LRRC45: variants seen among roughly 807,000 people sequenced by gnomAD.
The protein encoded by LRRC45 is leucine-rich repeat-containing protein 45.
LRRC45 carries 73 observed loss-of-function variants against 85.4 expected under a neutral mutation model. The ratio of observed to expected loss-of-function variants is 0.85; its 90% CI spans 0.71 to 1.04. LRRC45 has a LOEUF of 1.04. Ranked by LOEUF, LRRC45 falls within the 50% of genes least tolerant of loss-of-function variation. LRRC45 has a pLI of 0.00. For synonymous variants in LRRC45, 429 were observed against 386.0 expected, an observed-to-expected ratio of 1.11 and a Z score of -1.31; for missense variants, 937 against 883.3, an observed-to-expected ratio of 1.06 and a Z score of -0.77.
rs1327518075 is a variant in LRRC45, at chr17:82,029,450, G to A, written c.1402-93G>A. ...GCCCTCAGGAGGCTGGCAGAGAGGA[G>A]CCCCCCTGGCTGGGGTTGGCTGGAT... On this transcript the variant is annotated intron_variant, in intron 13 of 16. Coordinates refer to ENST00000306688, the MANE Select transcript of LRRC45 (RefSeq NM_144999.4). 9 of 1,370,444 alleles carry A rather than the reference G, an allele frequency of 6.6e-6. 1 individual carries two copies. The East Asian group carries it at 1.8e-4, about 27-fold the overall frequency. The allele number at this position is 1,370,444 out of a possible 1,614,324, so 84.9% of individuals were successfully genotyped here. A position where few individuals can be genotyped will look rare whatever the true frequency, so the allele number is the denominator to read the frequency against.
chr17:82,028,318 G>T lies in LRRC45; in HGVS notation c.1125+7G>T. 1 of 1,599,294 alleles carries T rather than the reference G, an allele frequency of 6.3e-7. No individual in the cohort carries two copies. Among genetic ancestry groups the T allele is most frequent in the Non-Finnish European group, 8.5e-7 (1 of 1,173,966 alleles). Reference sequence around the variant, plus strand: ...CCTGCTTCTGCAAAACCAGGTAGCTGTGGTGGATGGAGCCAGGGAGCCCAG... The same window carrying T: ...CCTGCTTCTGCAAAACCAGGTAGCTTTGGTGGATGGAGCCAGGGAGCCCAG... On this transcript the variant is annotated splice_region_variant and intron_variant, in intron 10 of 16. Coordinates refer to ENST00000306688, the MANE Select transcript of LRRC45 (RefSeq NM_144999.4).
chr17:82,028,791 A>G (rs2043390925), intron 12 of LRRC45, 108 bp downstream of exon 12: 1 of 1,258,350 alleles, frequency 7.9e-7, no homozygotes, highest in African/African-American at 1.5e-5. Context: ...ACCTTGGGTC[A>G]CTGGGTGGCC....
At chr17:82,028,967 G>A in intron 12 of LRRC45, 126 bp from the exon 13 acceptor site, 1 of 874,750 alleles carries the variant, frequency 1.1e-6, no homozygotes, top group Non-Finnish European at 1.8e-6. Context: ...GGCCATCTGA[G>A]GCAGTGCTTT....
Position 82,030,150 on chromosome 17 carries a change from A to G in LRRC45, c.1580A>G (p.Lys527Arg), listed in dbSNP as rs1259352889. ...GCGCAGGGCGCTTGCCTACAGCAGAAGCAGGTGGTGGCCGAGGCCCAGACC... is the reference window on the plus strand; with the variant it reads ...GCGCAGGGCGCTTGCCTACAGCAGAGGCAGGTGGTGGCCGAGGCCCAGACC... Reference protein sequence around the residue: ...DEAQGACLQQKQVVAEAQTRV... With the variant: ...DEAQGACLQQRQVVAEAQTRV... Residue 527 changes from lysine (K) to arginine (R), a missense_variant, in exon 15 of 17, where the codon AAG becomes AGG. Coordinates refer to ENST00000306688, the MANE Select transcript of LRRC45 (RefSeq NM_144999.4). 4.5e-6 allele frequency: 7 copies of G among 1,548,036 alleles called. No individual in the cohort carries two copies. In the South Asian group the frequency reaches 6.0e-5, roughly 13 times the overall value.
chr17:82,030,829 C>T lies in LRRC45; in HGVS notation c.*24C>T. On this transcript the variant is annotated 3_prime_UTR_variant, in exon 17 of 17. Transcript: ENST00000306688. ...GAGACAGGCCGGGAGGACCCGGGCGCAGTAGGAGTGCATCAGGCGGCGCCC... is the reference window on the plus strand; with the variant it reads ...GAGACAGGCCGGGAGGACCCGGGCGTAGTAGGAGTGCATCAGGCGGCGCCC... 1 of 1,319,290 alleles carries T rather than the reference C, an allele frequency of 7.6e-7. No homozygotes were observed. 81.7% of individuals were successfully genotyped at this position (1,319,290 alleles called of 1,614,324 possible).
chr17:82,030,423 G>A lies in LRRC45; in HGVS notation c.1773G>A (p.Glu591=). The part of the protein sequence containing the change: ...GRLQAELAAQ[E]ALREKAAALE... The stretch of plus-strand genomic sequence containing the variant: ...TGCAGGCGGAGCTGGCGGCTCAGGA[G>A]GCGCTGAGGGAGAAGGCGGCGGCCC... The change falls in exon 16 of 17, where the codon GAG becomes GAA. Residue 591 remains glutamate, a synonymous_variant. Transcript: ENST00000306688. 6.5e-7 allele frequency: 1 copy of A among 1,549,144 alleles called. No homozygotes were observed. The highest frequency in any genetic ancestry group is 8.7e-7 in the Non-Finnish European group (1 of 1,147,082).
intron 13 of LRRC45, 34 bp from the exon 14 acceptor site, chr17:82,029,509 A>T (rs1403202238): frequency 5.8e-6 from 9 of 1,548,624 alleles, no homozygotes. Flanking sequence ...GGCCAGGGAC[A>T]GGAGAACGGG....
Position 82,028,037 on chromosome 17 carries a change from C to A in LRRC45, c.938C>A (p.Ala313Asp). The stretch of plus-strand genomic sequence containing the variant: ...CTGCAGATGACAGAGGCCGCCCTGG[C>A]TCTGTCGGAGCAGAAGGCCCAGGAC... ...AKLQMTEAAL[A>D]LSEQKAQDLG... The change falls in exon 9 of 17, where the codon GCT becomes GAT. Residue 313 changes from alanine (A) to aspartate (D), a missense_variant. By Grantham distance (126) the Ala-to-Asp change is moderately radical. Coordinates refer to ENST00000306688, the MANE Select transcript of LRRC45 (RefSeq NM_144999.4). 2 of 1,607,150 alleles carry A rather than the reference C, an allele frequency of 1.2e-6. No homozygotes were observed. Among genetic ancestry groups the A allele is most frequent in the Middle Eastern group, 2.2e-4 (1 of 4,510 alleles).
rs760161973 is a variant in LRRC45 at position 82,028,039 on chromosome 17, C to G, written c.940C>G (p.Leu314Val). 7.5e-6 allele frequency: 12 copies of G among 1,607,080 alleles called. No homozygotes were observed. In the Admixed American group the frequency reaches 1.5e-4, roughly 20 times the overall value. The change falls in exon 9 of 17, where the codon CTG becomes GTG. Residue 314 changes from leucine to valine, a missense_variant. Leu to Val is a conservative substitution (Grantham distance 32, BLOSUM62 1). Coordinates refer to ENST00000306688, the MANE Select transcript of LRRC45 (RefSeq NM_144999.4). ...GCAGATGACAGAGGCCGCCCTGGCT[C>G]TGTCGGAGCAGAAGGCCCAGGACCT... is the stretch of plus-strand genomic sequence containing the variant. The part of the protein sequence containing the change: ...KLQMTEAALA[L>V]SEQKAQDLGE...
chr17:82,025,317 G>C, intron 4 of LRRC45, 62 bp from the exon 5 acceptor site: 1 of 1,531,368 alleles, frequency 6.5e-7, no homozygotes, highest in Non-Finnish European at 8.8e-7. Flanking sequence ...GAAGCACCCC[G>C]GCCAGGCCAG....
In LRRC45 at chr17:82,024,763, G is replaced by A. The variant is rs1024715226; in HGVS notation, c.353G>A (p.Ser118Asn). The change falls in exon 3 of 17, where the codon AGC becomes AAC. Residue 118 changes from serine (S) to asparagine (N), a missense_variant and splice_region_variant. Coordinates refer to ENST00000306688, the MANE Select transcript of LRRC45 (RefSeq NM_144999.4). ...CTCCAACAGAACAAGTCCATTCAGA[G>A]GTGGGTGGTGGTCCCGACCCCAGGC... ...KLLQQNKSIQ[S>N]LTLEWNSLGT... The A allele has an allele frequency of 1.9e-6, 3 of 1,576,738 alleles. No individual in the cohort carries two copies. Among genetic ancestry groups the A allele is most frequent in the African/African-American group, 2.7e-5 (2 of 72,808 alleles).
chr17:82,029,748 G>A (rs1598456731), intron 14 of LRRC45, 113 bp downstream of exon 14: 16 of 1,051,844 alleles, frequency 1.5e-5, no homozygotes, highest in East Asian at 2.6e-5. Flanking sequence ...GTGGTGTTGA[G>A]GTCAGATGAG....
rs942009931 is a variant in LRRC45, at chr17:82,023,723, T to C, written c.80T>C (p.Leu27Pro). Residue 27 changes from leucine to proline, a missense_variant, in exon 1 of 17, where the codon CTG becomes CCG. Transcript: ENST00000306688. Reference sequence around the variant, plus strand: ...CCCCAGGAGGCTGTCCTGCAGCAGCTGCACCAGCTTCCCAGGGGCCGGCTG... The same window carrying C: ...CCCCAGGAGGCTGTCCTGCAGCAGCCGCACCAGCTTCCCAGGGGCCGGCTG... ...AEPQEAVLQQLHQLPRGRLDL... is the reference protein window; with the variant it reads ...AEPQEAVLQQPHQLPRGRLDL... 1.5e-5 allele frequency: 23 copies of C among 1,550,704 alleles called. No homozygotes were observed. Among genetic ancestry groups the C allele is most frequent in the Non-Finnish European group, 2.0e-5 (23 of 1,152,464 alleles).
chr17:82,024,432 G>T (rs2043347610), intron 2 of LRRC45, 93 bp downstream of exon 2: 1 of 1,476,536 alleles, frequency 6.8e-7, no homozygotes, highest in East Asian at 2.3e-5. Flanking sequence ...TGGGGTCTGG[G>T]CAGGTGGCTG....
rs376227945 is a variant in LRRC45 at position 82,025,420 on chromosome 17, C to G, written c.574C>G (p.Leu192Val). The G allele has an allele frequency of 6.2e-7, 1 of 1,605,986 alleles. No individual in the cohort carries two copies. The highest frequency in any genetic ancestry group is 8.5e-7 in the Non-Finnish European group (1 of 1,175,872). ...NNVGLLGGRA[L>V]MNCLPSNRTL... ...CGTTGGCCTCCTGGGGGGCCGGGCC[C>G]TCATGAACTGTCTCCCCAGCAACAG... The change falls in exon 5 of 17, where the codon CTC becomes GTC. Residue 192 changes from leucine (L) to valine (V), a missense_variant. Transcript: ENST00000306688.
In LRRC45 at chr17:82,030,686, C is replaced by G; in HGVS notation, c.1894C>G (p.Arg632Gly). Reference protein sequence around the residue: ...NASLREKLRLREAEIARIRDE... With the variant: ...NASLREKLRLGEAEIARIRDE... ...GTCTCTCCGGGAGAAGCTGCGGCTC[C>G]GGGAGGCGGAGATCGCCCGCATCCG... The change falls in exon 17 of 17, where the codon CGG (arginine) becomes GGG (glycine). Residue 632 changes from arginine to glycine, a missense_variant. By Grantham distance (125) the Arg-to-Gly change is moderately radical (BLOSUM62 -2). Transcript: ENST00000306688. 1 of 1,483,018 alleles carries G rather than the reference C, an allele frequency of 6.7e-7. No individual in the cohort carries two copies. The highest frequency in any genetic ancestry group is 9.0e-7 in the Non-Finnish European group (1 of 1,106,808). 91.9% of individuals were successfully genotyped at this position (1,483,018 alleles called of 1,614,324 possible).
chr17:82,027,703 A>G lies in LRRC45; in HGVS notation c.863A>G (p.Gln288Arg). The change falls in exon 8 of 17, where the codon CAG (glutamine) becomes CGG (arginine). Residue 288 changes from glutamine to arginine, a missense_variant. Physicochemically the swap from Gln to Arg is conservative, Grantham distance 43 (BLOSUM62 1). Transcript: ENST00000306688. ...TCGGCAGCCCGTGTAGGGCAGCTTCAGGAAGCCCTGAATGAGAGGCACTCC... is the reference window on the plus strand; with the variant it reads ...TCGGCAGCCCGTGTAGGGCAGCTTCGGGAAGCCCTGAATGAGAGGCACTCC... ...RASAARVGQL[Q>R]EALNERHSII... 6.2e-7 allele frequency: 1 copy of G among 1,611,030 alleles called. No individual in the cohort carries two copies. The highest frequency in any genetic ancestry group is 8.5e-7 in the Non-Finnish European group (1 of 1,179,218).
At position 82,028,086 on chromosome 17, in the gene LRRC45, G is replaced by A. The variant is rs78172878; in HGVS notation, c.987G>A (p.Ala329=). The A allele has an allele frequency of 4.9e-4, 776 of 1,587,438 alleles. 2 individuals are homozygous for A. In the African/African-American group the frequency reaches 9.1e-3, roughly 19 times the overall value. Residue 329 remains alanine, a synonymous_variant, in exon 9 of 17, where the codon GCG becomes GCA. Coordinates refer to ENST00000306688, the MANE Select transcript of LRRC45 (RefSeq NM_144999.4). ...AQDLGELLAT[A]EQEQLSLSQR... ...ACCTGGGGGAGCTCCTGGCCACAGC[G>A]GAGCAGGAGCAGCTGAGCCTGTCAC...
At chr17:82,029,680 C>A in intron 14 of LRRC45, 45 bp downstream of exon 14, 1 of 1,524,490 alleles carries the variant, frequency 6.6e-7, no homozygotes, top group South Asian at 1.2e-5. Context: ...CCAGGCTGCC[C>A]GGCATTGCGG....
Sources: gnomAD v4.1 joint callset for allele counts on GRCh38, gnomAD v4.1.1 for gene constraint, MANE v1.5 for transcripts, NCBI Gene and HGNC (gene_info 2026-07-23, HGNC 2026-07-21) for gene names.